The following TRDN variants were observed in gnomAD, a reference collection of about 807,000 sequenced individuals.
TRDN encodes triadin in skeletal muscle.
TRDN carries 161 observed loss-of-function variants against 149.7 expected under a neutral mutation model. That is an observed-to-expected ratio of 1.08 (90% CI 0.95 to 1.23). The LOEUF is 1.23. Ranked by LOEUF, TRDN falls within the 50% of genes most tolerant of loss-of-function variation. The probability of loss-of-function intolerance (pLI) is 0.00; values close to 1 mark genes in which losing one functional copy is unlikely to be tolerated. For missense variants in TRDN, 896 were observed against 823.5 expected (o/e 1.09, Z -1.08); for synonymous variants, 294 against 250.5 (o/e 1.17, Z -1.64).
At chr6:123,384,357 T>C (rs115595513) in intron 14 of TRDN, among the ~76,000 whole-genome samples, 49 of 152,202 alleles carry the variant, frequency 3.2e-4, no homozygotes, top group African/African-American at 1.2e-3. Flanking sequence ...CAGTTCTGTG[T>C]TCCTCACTGA....
intron 2 of TRDN, among the ~76,000 whole-genome samples, chr6:123,558,108 C>T (rs756137811): frequency 3.9e-5 from 6 of 152,090 alleles, no homozygotes; most frequent in East Asian, 1.9e-4. Flanking sequence ...AGGTGCCTGA[C>T]GTCCAGGCAT....
chr6:123,351,582 C>A (rs1312255036), intron 21 of TRDN: 1 of 974,236 alleles, frequency 1.0e-6, no homozygotes, highest in African/African-American at 1.8e-5. Flanking sequence ...GAAATAAATT[C>A]TTAACCAATC....
chr6:123,470,817 A>G (rs2114732955), intron 9 of TRDN: 1 of 152,350 alleles, frequency 6.6e-6, no homozygotes, highest in East Asian at 1.9e-4. Context: ...GCTGGAGACT[A>G]CTGAAATAAC....
At chr6:123,232,904 A>G (rs907164024) in intron 38 of TRDN, among the ~76,000 whole-genome samples, 1 of 152,182 alleles carries the variant, frequency 6.6e-6, no homozygotes, top group African/African-American at 2.4e-5. Flanking sequence ...TAATGCACGT[A>G]TATGTACCAG....
intron 12 of TRDN, among the ~76,000 whole-genome samples, chr6:123,402,451 AT>A (rs36011206): frequency 0.16 from 24,139 of 152,124 alleles, 2,045 homozygotes; most frequent in South Asian, 0.22. Context: ...TTTATGCATC[AT>A]TTTTTGCTCA....
chr6:123,633,816 A>G (rs1243377607), intron 1 of TRDN, among the ~76,000 whole-genome samples: 1 of 152,006 alleles, frequency 6.6e-6, no homozygotes, highest in African/African-American at 2.4e-5. Context: ...GTGAGCAACT[A>G]GGTGAGGTTA....
chr6:123,559,335 A>G (rs902768668), intron 2 of TRDN, among the ~76,000 whole-genome samples: 104 of 152,070 alleles, frequency 6.8e-4, no homozygotes, highest in Non-Finnish European at 1.3e-3. Flanking sequence ...AAATTAGACA[A>G]TACTCTTTTA....
intron 12 of TRDN, chr6:123,429,325 A>G (rs1774243216): frequency 6.6e-6 from 1 of 152,228 alleles, no homozygotes; most frequent in Non-Finnish European, 1.5e-5. Flanking sequence ...GAGAAAACAG[A>G]TTTAATAACT....
intron 22 of TRDN, 121 bp downstream of exon 22, chr6:123,337,498 T>A (rs1490687610): frequency 2.0e-5 from 7 of 346,614 alleles, no homozygotes; most frequent in Non-Finnish European, 3.1e-5. Context: ...TAAAAATATG[T>A]GTGTGACCTC....
intron 24 of TRDN, among the ~76,000 whole-genome samples, chr6:123,310,446 G>C (rs1284141444): frequency 6.6e-6 from 1 of 151,966 alleles, no homozygotes; most frequent in African/African-American, 2.4e-5. Context: ...TGAAAACCTT[G>C]TACTTATTGC....
intron 24 of TRDN, among the ~76,000 whole-genome samples, chr6:123,286,954 A>G (rs941391034): frequency 5.3e-5 from 8 of 152,110 alleles, no homozygotes; most frequent in African/African-American, 7.2e-5. Flanking sequence ...GTCACTTAAC[A>G]TCCTTCTCAA....
intron 24 of TRDN, among the ~76,000 whole-genome samples, chr6:123,313,794 T>C (rs924294012): frequency 7.9e-5 from 12 of 152,002 alleles, no homozygotes; most frequent in Non-Finnish European, 1.5e-4. Flanking sequence ...TGGCTAGCCA[T>C]ATGCAGAAAA....
chr6:123,257,918 T>TGATTTG (rs1274917518), intron 35 of TRDN, among the ~76,000 whole-genome samples: 1 of 152,194 alleles, frequency 6.6e-6, no homozygotes, highest in African/African-American at 2.4e-5. Context: ...AGTTCACTCA[T>TGATTTG]GATTTGGCTC....
In TRDN at chr6:123,534,516, G is replaced by A. The variant is rs77567778; in HGVS notation, c.425-3951C>T. On this transcript the variant is annotated intron_variant, in intron 4 of 40. Transcript: ENST00000334268. ...TTAGCCAGGAAATGATGCTATTCAA[G>A]CTCCTGTCCAATTCAGTAACATGTT... Among the ~76,000 whole-genome samples, 7 of 152,170 alleles carry A rather than the reference G, an allele frequency of 4.6e-5. No individual in the cohort carries two copies. In the East Asian group the frequency reaches 1.4e-3, roughly 30 times the overall value.
chr6:123,337,603 A>G lies in TRDN; in HGVS notation c.1420+16T>C, dbSNP rs755778720. The G allele has an allele frequency of 1.2e-5, 15 of 1,245,818 alleles. No homozygotes were observed. The highest frequency in any genetic ancestry group is 1.4e-5 in the Non-Finnish European group (13 of 913,708). The allele number at this position is 1,245,818 out of a possible 1,614,324, so 77.2% of individuals were successfully genotyped here. ...CCTAATAAATTTGTAATATTATATT[A>G]AATTAACTCTGTTACCTTTATCTTT... On this transcript the variant is annotated intron_variant, in intron 22 of 40. Coordinates refer to ENST00000334268, the MANE Select transcript of TRDN (RefSeq NM_006073.4).
intron 12 of TRDN, among the ~76,000 whole-genome samples, chr6:123,394,307 T>TA (rs67932192): frequency 1.7e-4 from 25 of 151,398 alleles, no homozygotes; most frequent in Non-Finnish European, 3.5e-4. Flanking sequence ...AAGGATTTAT[T>TA]AAAAAAAAAC....
intron 1 of TRDN, among the ~76,000 whole-genome samples, chr6:123,577,252 C>G (rs1782903409): frequency 6.6e-6 from 1 of 152,034 alleles, no homozygotes; most frequent in Admixed American, 6.6e-5. Context: ...CAGTACTAAG[C>G]TTCGTTACCC....
chr6:123,324,262 T>C (rs2114713163), intron 23 of TRDN, among the ~76,000 whole-genome samples: 1 of 152,228 alleles, frequency 6.6e-6, no homozygotes, highest in East Asian at 1.9e-4. Context: ...TCTTATATCT[T>C]GTTCAAAAAT....
intron 24 of TRDN, among the ~76,000 whole-genome samples, chr6:123,284,947 A>C (rs992085661): frequency 2.0e-5 from 3 of 152,098 alleles, no homozygotes; most frequent in African/African-American, 7.2e-5. Flanking sequence ...TTAGAAATAT[A>C]CCTAACCAAG....
Sources: gnomAD v4.1 joint callset for allele counts (sites outside exome capture counted in the v4.1 genomes callset) on GRCh38, gnomAD v4.1.1 for gene constraint, MANE v1.5 for transcripts, NCBI Gene and HGNC (gene_info 2026-07-23, HGNC 2026-07-21) for gene names.